Variants in MUC5B observed in about 807,000 individuals in gnomAD.
The protein encoded by MUC5B is mucin 5B, oligomeric mucus/gel-forming.
Under a neutral mutation model 376.9 loss-of-function variants are expected in MUC5B, and 116 were observed. The observed-to-expected ratio is 0.31, with a 90% CI of 0.26 to 0.36. The LOEUF (loss-of-function observed/expected upper bound fraction) is 0.36. MUC5B is among the 10% of genes least tolerant of loss of function. The pLI is 1.00. For synonymous variants in MUC5B, 3,517 were observed against 3,390.9 expected, an observed-to-expected ratio of 1.04 and a Z score of -1.29; for missense variants, 7,165 against 7,769.9, an observed-to-expected ratio of 0.92 and a Z score of 2.93.
Position 1,229,989 on chromosome 11 carries a change from C to A in MUC5B, c.1221-16C>A. 1 of 1,579,392 alleles carries A rather than the reference C, an allele frequency of 6.3e-7. No homozygotes were observed. Among genetic ancestry groups the A allele is most frequent in the Non-Finnish European group, 8.6e-7 (1 of 1,164,168 alleles). The stretch of plus-strand genomic sequence containing the variant: ...CCTCCCGACATGCCGGTTCTGCTCA[C>A]GGCCTCCCTCCCCAGCACCTGCTCC... On this transcript the variant is annotated splice_polypyrimidine_tract_variant and intron_variant, in intron 10 of 48. Coordinates refer to ENST00000529681, the MANE Select transcript of MUC5B (RefSeq NM_002458.3).
Position 1,234,820 on chromosome 11 carries a change from AG to A in MUC5B, c.2630+142del. ...GGCCAGGGTGAGGTGGGGCCGTGGC[AG>A]GAGAGAGAGTTGCTAGGAAAGCCAT... is the stretch of plus-strand genomic sequence containing the variant. On this transcript the variant is annotated intron_variant, in intron 21 of 48. Transcript: ENST00000529681. The surrounding 1 kb of genome is among the most constrained non-coding windows in gnomAD (Gnocchi z 6.3). 1 of 1,147,182 alleles carries A rather than the reference AG, an allele frequency of 8.7e-7. No homozygotes were observed. The highest frequency in any genetic ancestry group is 1.6e-5 in the South Asian group (1 of 62,986). 71.1% of individuals were successfully genotyped at this position (1,147,182 alleles called of 1,614,324 possible).
At chr11:1,232,382 C>A in intron 15 of MUC5B, 68 bp from the exon 16 acceptor site, 2 of 1,503,940 alleles carry the variant, frequency 1.3e-6, no homozygotes, top group Non-Finnish European at 1.8e-6. Flanking sequence ...GAGGGGGTCG[C>A]AGGCCTGCGT....
In MUC5B at chr11:1,225,639, C is replaced by T. The variant is rs55852142; in HGVS notation, c.71-42C>T. On this transcript the variant is annotated intron_variant, in intron 1 of 48. Transcript: ENST00000529681. ...CGTGGTTGGGTTCGTGGCTGGCAGC[C>T]ACATCTAGTTCCTCACTGACTCCCA... 2.5e-3 allele frequency: 3,943 copies of T among 1,554,112 alleles called. 11 individuals are homozygous for T. The highest frequency in any genetic ancestry group is 3.2e-3 in the Non-Finnish European group (3,674 of 1,145,508).
At chr11:1,227,263 G>A in intron 5 of MUC5B, 45 bp from the exon 6 acceptor site, 6 of 1,575,226 alleles carry the variant, frequency 3.8e-6, no homozygotes, top group Non-Finnish European at 5.2e-6. Flanking sequence ...TGCCAGTGTG[G>A]GGATCAGAGG....
rs1266183868 is a variant in MUC5B at position 1,244,158 on chromosome 11, C to T, written c.7278C>T (p.Pro2426=). The T allele has an allele frequency of 1.2e-6, 2 of 1,613,322 alleles. No homozygotes were observed. Residue 2426 remains proline (P), a synonymous_variant, in exon 31 of 49, where the codon CCC becomes CCT. Coordinates refer to ENST00000529681, the MANE Select transcript of MUC5B (RefSeq NM_002458.3). The part of the protein sequence containing the change: ...STPATSSTAM[P]SSTPGTTWIL... ...CGGCCACCAGCTCTACGGCCATGCC[C>T]TCCTCCACTCCGGGGACGACCTGGA...
Position 1,246,557 on chromosome 11 carries a change from G to A in MUC5B, c.9677G>A (p.Arg3226Lys). Reference protein sequence around the residue: ...PGTATALPALRSTATTPTATS... With the variant: ...PGTATALPALKSTATTPTATS... ...ACTGCAACCGCCCTTCCAGCACTGA[G>A]AAGCACAGCCACCACACCCACAGCT... Residue 3226 changes from arginine to lysine, a missense_variant, in exon 31 of 49, where the codon AGA (arginine) becomes AAA (lysine). This residue lies in a region of MUC5B where 939 missense variants were observed against 770.6 expected (regional missense o/e 1.22). Coordinates refer to ENST00000529681, the MANE Select transcript of MUC5B (RefSeq NM_002458.3). The A allele has an allele frequency of 1.2e-6, 2 of 1,610,920 alleles. No individual in the cohort carries two copies. Among genetic ancestry groups the A allele is most frequent in the Non-Finnish European group, 1.7e-6 (2 of 1,178,816 alleles).
intron 8 of MUC5B, 69 bp from the exon 9 acceptor site, chr11:1,229,101 C>A (rs891336513): frequency 1.5e-5 from 22 of 1,441,412 alleles, no homozygotes; most frequent in Non-Finnish European, 1.8e-5. Flanking sequence ...CCGTGGAAGG[C>A]GGCTGGGGCT....
At position 1,227,398 on chromosome 11, in the gene MUC5B, A is replaced by G. The variant is rs1176023077; in HGVS notation, c.667A>G (p.Asn223Asp). 1.2e-6 allele frequency: 2 copies of G among 1,606,568 alleles called. No individual in the cohort carries two copies. Reference protein sequence around the residue: ...LPAFNEFYAHNARLTPLQFGN... With the variant: ...LPAFNEFYAHDARLTPLQFGN... ...GGCCTTCAACGAGTTCTATGCCCAC[A>G]GTGAGTGCCACCTGGGTGAGGGGGC... is the stretch of plus-strand genomic sequence containing the variant. Residue 223 changes from asparagine to aspartate, a missense_variant and splice_region_variant, in exon 6 of 49, where the codon AAC (asparagine) becomes GAC (aspartate). Physicochemically the swap from Asn to Asp is conservative, Grantham distance 23. Coordinates refer to ENST00000529681, the MANE Select transcript of MUC5B (RefSeq NM_002458.3).
At position 1,240,190 on chromosome 11, in the gene MUC5B, C is replaced by T. The variant is rs1255571531; in HGVS notation, c.3785C>T (p.Thr1262Ile). 1.1e-5 allele frequency: 17 copies of T among 1,602,826 alleles called. No individual in the cohort carries two copies. Among genetic ancestry groups the T allele is most frequent in the Non-Finnish European group, 1.5e-5 (17 of 1,171,792 alleles). The change falls in exon 30 of 49, where the codon ACC becomes ATC. Residue 1262 changes from threonine to isoleucine, a missense_variant. Physicochemically the swap from Thr to Ile is moderately conservative, Grantham distance 89. This residue lies in a region of MUC5B where 517 missense variants were observed against 545.3 expected (regional missense o/e 0.95). Coordinates refer to ENST00000529681, the MANE Select transcript of MUC5B (RefSeq NM_002458.3). Reference sequence around the variant, plus strand: ...GCTCCATCCCCAGCCTGCACCTGCACCTATGAGGACAGGACCTACAGCTAC... The same window carrying T: ...GCTCCATCCCCAGCCTGCACCTGCATCTATGAGGACAGGACCTACAGCTAC... ...CAHSLEACTC[T>I]YEDRTYSYQD... is the part of the protein sequence containing the mutation.
rs878911582 is a variant in MUC5B, at chr11:1,247,990, G to A, written c.11110G>A (p.Glu3704Lys). 1.2e-6 allele frequency: 2 copies of A among 1,608,710 alleles called. No individual in the cohort carries two copies. Among genetic ancestry groups the A allele is most frequent in the South Asian group, 2.2e-5 (2 of 90,922 alleles). The change falls in exon 31 of 49, where the codon GAG becomes AAG. Residue 3704 changes from glutamate (E) to lysine (K), a missense_variant. Physicochemically the swap from Glu to Lys is moderately conservative, Grantham distance 56. Around this residue, in one of 31 missense-constraint regions of MUC5B, gnomAD observed 90 missense variants for 71.1 expected, o/e 1.27. Transcript: ENST00000529681. ...GCTGACCACAACAGCCACTACGACT[G>A]AGTCCACTGGATCCACGGCCACCCC... ...TKLTTTATTTESTGSTATPSS... is the reference protein window; with the variant it reads ...TKLTTTATTTKSTGSTATPSS...
Position 1,236,665 on chromosome 11 carries a change from G to A in MUC5B, c.3057+103G>A, listed in dbSNP as rs1202949736. On this transcript the variant is annotated intron_variant, in intron 24 of 48. Transcript: ENST00000529681. ...GTGGGACTCGCTGACCCGTGGGTGC[G>A]TGAGCCTGGCTGGTGAGGGCCCTGC... 108 of 1,294,480 alleles carry A rather than the reference G, an allele frequency of 8.3e-5. No homozygotes were observed. The East Asian group carries it at 2.2e-3, about 26-fold the overall frequency. The allele number at this position is 1,294,480 out of a possible 1,614,324, so 80.2% of individuals were successfully genotyped here.
rs1401494735 is a variant in MUC5B at position 1,257,147 on chromosome 11, C to T, written c.16238-93C>T. On this transcript the variant is annotated intron_variant, in intron 39 of 48. Transcript: ENST00000529681. This position sits in a 1 kb window ranked among gnomAD's most constrained non-coding sequence, Gnocchi z 8.9. ...CAGGGCCTTCCATCCCGGGGGGAAGCAGGCTCCAGGCCTGAGAGCACCTCC... is the reference window on the plus strand; with the variant it reads ...CAGGGCCTTCCATCCCGGGGGGAAGTAGGCTCCAGGCCTGAGAGCACCTCC... The T allele has an allele frequency of 1.2e-5, 9 of 766,156 alleles. No homozygotes were observed. Among genetic ancestry groups the T allele is most frequent in the African/African-American group, 3.4e-5 (2 of 58,832 alleles). The allele number at this position is 766,156 out of a possible 1,614,324, so 47.5% of individuals were successfully genotyped here. A position where few individuals can be genotyped will look rare whatever the true frequency, so the allele number is the denominator to read the frequency against.
At position 1,242,418 on chromosome 11, in the gene MUC5B, G is replaced by T; in HGVS notation, c.5538G>T (p.Val1846=). 3 of 1,613,874 alleles carry T rather than the reference G, an allele frequency of 1.9e-6. No homozygotes were observed. The highest frequency in any genetic ancestry group is 2.5e-6 in the Non-Finnish European group (3 of 1,179,846). Residue 1846 remains valine (V), a synonymous_variant, in exon 31 of 49, where the codon GTG becomes GTT. Transcript: ENST00000529681. ...PEVSIDQVGQ[V]LTCSLETGLT... ...TAAGCATCGACCAGGTCGGGCAGGT[G>T]CTGACCTGCAGCCTGGAGACGGGGC... is the stretch of plus-strand genomic sequence containing the variant.
chr11:1,232,311 G>A (rs1862045617), intron 15 of MUC5B, 139 bp from the exon 16 acceptor site: 2 of 1,344,304 alleles, frequency 1.5e-6, no homozygotes, highest in African/African-American at 2.9e-5. Context: ...GGGCCAGGCG[G>A]CCAGAACCCC....
At position 1,231,011 on chromosome 11, in the gene MUC5B, T is replaced by A. The variant is rs563226462; in HGVS notation, c.1540+6T>A. On this transcript the variant is annotated splice_donor_region_variant and intron_variant, in intron 13 of 48. Coordinates refer to ENST00000529681, the MANE Select transcript of MUC5B (RefSeq NM_002458.3). ...GCAGCTGCCCCTGTCGGCAGGTATGTGGCTCTCCCAGGACGGCCGGGCTGG... is the reference window on the plus strand; with the variant it reads ...GCAGCTGCCCCTGTCGGCAGGTATGAGGCTCTCCCAGGACGGCCGGGCTGG... 6.3e-7 allele frequency: 1 copy of A among 1,588,250 alleles called. No homozygotes were observed. The highest frequency in any genetic ancestry group is 1.1e-5 in the South Asian group (1 of 87,138).
intron 10 of MUC5B, 54 bp from the exon 11 acceptor site, chr11:1,229,951 G>C: frequency 1.9e-6 from 3 of 1,559,856 alleles, no homozygotes; most frequent in Non-Finnish European, 1.7e-6. Flanking sequence ...GGTGTGGAGG[G>C]TGGGGCCCAC....
chr11:1,254,230 A>C lies in MUC5B; in HGVS notation c.15356A>C (p.His5119Pro). ...FGNLSLYLDN[H>P]YCTASATAAA... ...AATCTCAGCCTCTACCTGGACAACCACTACTGCACGGCCTCTGCCACTGCC... is the reference window on the plus strand; with the variant it reads ...AATCTCAGCCTCTACCTGGACAACCCCTACTGCACGGCCTCTGCCACTGCC... The change falls in exon 34 of 49, where the codon CAC (histidine) becomes CCC (proline). Residue 5119 changes from histidine to proline, a missense_variant. By Grantham distance (77) the His-to-Pro change is moderately conservative. Coordinates refer to ENST00000529681, the MANE Select transcript of MUC5B (RefSeq NM_002458.3). The C allele has an allele frequency of 6.2e-7, 1 of 1,612,604 alleles. No homozygotes were observed. Among genetic ancestry groups the C allele is most frequent in the Non-Finnish European group, 8.5e-7 (1 of 1,179,862 alleles).
chr11:1,240,040 C>G lies in MUC5B; in HGVS notation c.3729-5C>G. 1 of 1,581,574 alleles carries G rather than the reference C, an allele frequency of 6.3e-7. No homozygotes were observed. Among genetic ancestry groups the G allele is most frequent in the Non-Finnish European group, 8.6e-7 (1 of 1,163,220 alleles). ...GCCCTCAGCTCGCCTCTCCCCCACCCCTAGTAACTGCACACCCAGTGGCAT... is the reference window on the plus strand; with the variant it reads ...GCCCTCAGCTCGCCTCTCCCCCACCGCTAGTAACTGCACACCCAGTGGCAT... On this transcript the variant is annotated splice_region_variant and splice_polypyrimidine_tract_variant and intron_variant, in intron 28 of 48. Transcript: ENST00000529681.
intron 18 of MUC5B, 106 bp downstream of exon 18, chr11:1,233,374 G>T (rs535770830): frequency 8.5e-5 from 109 of 1,275,216 alleles, no homozygotes; most frequent in Middle Eastern, 5.2e-4. Flanking sequence ...AGACATGAGG[G>T]GCCAGGCTGG....
Sources: gnomAD v4.1 joint callset for allele counts on GRCh38, gnomAD v4.1.1 for gene constraint, gnomAD v4.1.1 regional missense constraint, Gnocchi (gnomAD v3.1) non-coding constraint, MANE v1.5 for transcripts, NCBI Gene and HGNC (gene_info 2026-07-23, HGNC 2026-07-21) for gene names.